The following NXPH1 variants were observed in gnomAD, a reference collection of about 807,000 sequenced individuals.
NXPH1 encodes the protein neurexophilin 1.
Under a neutral mutation model 23.7 loss-of-function variants are expected in NXPH1, and 5 were observed. That is an observed-to-expected ratio of 0.21 (90% CI 0.11 to 0.44). NXPH1 has a LOEUF of 0.44. NXPH1 is among the 20% of genes least tolerant of loss of function. The pLI is 0.99. For synonymous variants in NXPH1, 144 were observed against 122.2 expected (o/e 1.18, Z -1.18); for missense variants, 324 against 321.6 (o/e 1.01, Z -0.06).
chr7:8,570,126 A>G (rs1818617157), intron 2 of NXPH1, among the ~76,000 whole-genome samples: 1 of 151,894 alleles, frequency 6.6e-6, no homozygotes, highest in Non-Finnish European at 1.5e-5. Flanking sequence ...GGATTTTATG[A>G]CAAAAAAGAT....
intron 2 of NXPH1, among the ~76,000 whole-genome samples, chr7:8,517,727 G>C (rs1817708566): frequency 6.6e-6 from 1 of 152,154 alleles, no homozygotes; most frequent in African/African-American, 2.4e-5. Context: ...GGGAAGTGGG[G>C]AGAGGAACAA....
chr7:8,723,713 G>A (rs1160445846), intron 2 of NXPH1, among the ~76,000 whole-genome samples: 1 of 152,124 alleles, frequency 6.6e-6, no homozygotes, highest in Non-Finnish European at 1.5e-5. Flanking sequence ...TTTGTATAGG[G>A]TGCTATGAGT....
intron 2 of NXPH1, among the ~76,000 whole-genome samples, chr7:8,630,409 C>T (rs778883461): frequency 4.6e-5 from 7 of 152,078 alleles, no homozygotes; most frequent in Non-Finnish European, 7.4e-5. Flanking sequence ...GCAATGCTTC[C>T]TCATGGGAGC....
chr7:8,674,605 C>T (rs1402825002), intron 2 of NXPH1, among the ~76,000 whole-genome samples: 1 of 152,076 alleles, frequency 6.6e-6, no homozygotes, highest in Admixed American at 6.6e-5. Context: ...TTTGGGGTTC[C>T]AGGCATTTAC....
intron 2 of NXPH1, among the ~76,000 whole-genome samples, chr7:8,614,663 T>C (rs1053718133): frequency 5.3e-5 from 8 of 151,970 alleles, no homozygotes; most frequent in African/African-American, 1.7e-4. Context: ...AAGTTCCTCT[T>C]TGGGAAAAAT....
chr7:8,502,747 G>A (rs1817457066), intron 2 of NXPH1, among the ~76,000 whole-genome samples: 1 of 151,436 alleles, frequency 6.6e-6, no homozygotes, highest in Non-Finnish European at 1.5e-5. Flanking sequence ...CATAATCATG[G>A]CTCACTAGAT....
chr7:8,558,867 AGTTT>A (rs928821697), intron 2 of NXPH1, among the ~76,000 whole-genome samples: 4 of 151,492 alleles, frequency 2.6e-5, no homozygotes, highest in African/African-American at 7.3e-5. Flanking sequence ...ATCTTGCTAT[AGTTT>A]GTTTGTTTGT....
chr7:8,600,817 G>A (rs1819342105), intron 2 of NXPH1, among the ~76,000 whole-genome samples: 2 of 151,992 alleles, frequency 1.3e-5, no homozygotes, highest in Non-Finnish European at 2.9e-5. Flanking sequence ...AAAAACAGAA[G>A]TATATACAGT....
chr7:8,443,670 C>A (rs1816346301), intron 2 of NXPH1, among the ~76,000 whole-genome samples: 1 of 152,148 alleles, frequency 6.6e-6, no homozygotes, highest in Admixed American at 6.5e-5. Context: ...GCAGGGAAAT[C>A]GATATATTTG....
At chr7:8,631,654 G>A (rs1056444073) in intron 2 of NXPH1, among the ~76,000 whole-genome samples, 1 of 152,000 alleles carries the variant, frequency 6.6e-6, no homozygotes, top group Admixed American at 6.6e-5. Flanking sequence ...GTATGTCCAC[G>A]AAATGACCAC....
intron 2 of NXPH1, among the ~76,000 whole-genome samples, chr7:8,694,398 G>A (rs930836219): frequency 6.6e-6 from 1 of 152,102 alleles, no homozygotes; most frequent in Non-Finnish European, 1.5e-5. Context: ...CAGTGCTTTT[G>A]GGGGAACCAC....
chr7:8,667,875 T>C lies in NXPH1; in HGVS notation c.55-83133T>C, dbSNP rs528186417. ...CCCATGTTTTATTTATTCCTTTTCA[T>C]CCTCTTTTCTTTTTTCTCCTCTGAT... On this transcript the variant is annotated intron_variant, in intron 2 of 2. Transcript: ENST00000405863. Among the ~76,000 whole-genome samples, 4 of 152,138 alleles carry C rather than the reference T, an allele frequency of 2.6e-5. No homozygotes were observed. In the East Asian group the frequency reaches 7.7e-4, roughly 29 times the overall value.
Position 8,724,775 on chromosome 7 carries a change from T to C in NXPH1, c.55-26233T>C, listed in dbSNP as rs555923882. 1.9e-3 allele frequency among the ~76,000 whole-genome samples: 293 copies of C among 152,360 alleles called. 1 individual carries two copies. Among genetic ancestry groups the C allele is most frequent in the African/African-American group, 6.5e-3 (270 of 41,586 alleles). ...CAGTTTTGTGTCTGATTAACTTTTC[T>C]TAACAGAATCTAAATCCAGAGGCCA... is the stretch of plus-strand genomic sequence containing the variant. On this transcript the variant is annotated intron_variant, in intron 2 of 2. Coordinates refer to ENST00000405863, the MANE Select transcript of NXPH1 (RefSeq NM_152745.3).
intron 2 of NXPH1, among the ~76,000 whole-genome samples, chr7:8,545,614 G>T (rs755172618): frequency 6.6e-6 from 1 of 151,384 alleles, no homozygotes; most frequent in Non-Finnish European, 1.5e-5. Flanking sequence ...TACTGTATTT[G>T]CTCTTAGCAA....
At position 8,751,990 on chromosome 7, in the gene NXPH1, C is replaced by A; in HGVS notation, c.*221C>A. The A allele has an allele frequency of 1.9e-6, 1 of 516,740 alleles. No homozygotes were observed. Among genetic ancestry groups the A allele is most frequent in the East Asian group, 3.1e-5 (1 of 32,294 alleles). 32.0% of individuals were successfully genotyped at this position (516,740 alleles called of 1,614,324 possible). The stretch of plus-strand genomic sequence containing the variant: ...TGTAAATCATCACAGATTTTGAATT[C>A]ACACCTGAAGACATGCTCTCACATA... On this transcript the variant is annotated 3_prime_UTR_variant, in exon 3 of 3. Coordinates refer to ENST00000405863, the MANE Select transcript of NXPH1 (RefSeq NM_152745.3). This position sits in a 1 kb window ranked among gnomAD's most constrained non-coding sequence, Gnocchi z 4.5.
intron 2 of NXPH1, among the ~76,000 whole-genome samples, chr7:8,646,961 G>T (rs1294010588): frequency 6.6e-6 from 1 of 151,884 alleles, no homozygotes; most frequent in Non-Finnish European, 1.5e-5. Context: ...GAACACAGGG[G>T]AACAGGCACT....
In NXPH1 at chr7:8,539,112, TA is replaced by T. The variant is rs1170669311; in HGVS notation, c.54+103347del. On this transcript the variant is annotated intron_variant, in intron 2 of 2. Transcript: ENST00000405863. Reference sequence around the variant, plus strand: ...GTTATGCAAACACTGACTACCTATGTAACCATAAATTGCAACTTCACTCTCC... The same window carrying T: ...GTTATGCAAACACTGACTACCTATGTACCATAAATTGCAACTTCACTCTCC... Among the ~76,000 whole-genome samples the T allele has an allele frequency of 1.4e-4, 22 of 151,904 alleles. 1 individual carries two copies. In the South Asian group the frequency reaches 4.4e-3, roughly 30 times the overall value.
At chr7:8,497,295 T>C (rs566046052) in intron 2 of NXPH1, among the ~76,000 whole-genome samples, 4 of 152,298 alleles carry the variant, frequency 2.6e-5, no homozygotes, top group South Asian at 2.1e-4. Flanking sequence ...AAGTCTTTGT[T>C]ATTGTGAATA....
chr7:8,435,593 T>C lies in NXPH1; in HGVS notation c.-110-11T>C. The C allele has an allele frequency of 1.1e-6, 1 of 880,510 alleles. No individual in the cohort carries two copies. Among genetic ancestry groups the C allele is most frequent in the South Asian group, 1.4e-5 (1 of 73,140 alleles). The allele number at this position is 880,510 out of a possible 1,614,324, so 54.5% of individuals were successfully genotyped here. ...CGTAGTCATGGGATGTCTAATTTTA[T>C]TTGCATCTAGGCTGCTGAGAGCGCT... On this transcript the variant is annotated splice_polypyrimidine_tract_variant and intron_variant, in intron 1 of 2. Coordinates refer to ENST00000405863, the MANE Select transcript of NXPH1 (RefSeq NM_152745.3). This position sits in a 1 kb window ranked among gnomAD's most constrained non-coding sequence, Gnocchi z 5.9.
Sources: gnomAD v4.1 joint callset for allele counts (sites outside exome capture counted in the v4.1 genomes callset) on GRCh38, gnomAD v4.1.1 for gene constraint, Gnocchi (gnomAD v3.1) non-coding constraint, MANE v1.5 for transcripts, NCBI Gene and HGNC (gene_info 2026-07-23, HGNC 2026-07-21) for gene names.